The following PCDH15 variants were observed in gnomAD, a reference collection of about 807,000 sequenced individuals.
PCDH15 encodes protocadherin-15.
In PCDH15, 129 loss-of-function variants were observed where a neutral mutation model predicts 178.5. The ratio of observed to expected loss-of-function variants is 0.72; its 90% CI spans 0.63 to 0.84. The LOEUF (loss-of-function observed/expected upper bound fraction) is 0.84. Among genes scored for constraint, PCDH15 ranks in the 40% least tolerant of loss-of-function variants. The pLI, the probability that PCDH15 is intolerant of heterozygous loss-of-function variation, is 0.00. For missense variants in PCDH15, 2,230 were observed against 2,099.9 expected, an observed-to-expected ratio of 1.06 and a Z score of -1.21; for synonymous variants, 800 against 732.0, an observed-to-expected ratio of 1.09 and a Z score of -1.50.
intron 1 of PCDH15, among the ~76,000 whole-genome samples, chr10:54,747,507 T>C (rs556347379): frequency 6.6e-6 from 1 of 152,314 alleles, no homozygotes; most frequent in Admixed American, 6.5e-5. Flanking sequence ...GAGGAAAATG[T>C]TCCACATAAT....
intron 5 of PCDH15, among the ~76,000 whole-genome samples, chr10:54,364,254 A>G (rs1050789443): frequency 6.6e-6 from 1 of 151,532 alleles, no homozygotes; most frequent in African/African-American, 2.4e-5. Context: ...AACTTGCTGA[A>G]CTCACTTTTT....
chr10:54,191,950 A>T (rs909488672), intron 11 of PCDH15, among the ~76,000 whole-genome samples: 1 of 147,598 alleles, frequency 6.8e-6, no homozygotes, highest in Non-Finnish European at 1.5e-5. Flanking sequence ...AAGAAAAAAA[A>T]GAAAAGAAAG....
intron 2 of PCDH15, among the ~76,000 whole-genome samples, chr10:55,390,872 C>T (rs995398281): frequency 6.6e-6 from 1 of 152,174 alleles, no homozygotes; most frequent in Admixed American, 6.5e-5. Flanking sequence ...ATTGTGAAAA[C>T]AGATGTACAA....
chr10:54,361,476 C>T (rs1946040416), intron 5 of PCDH15, among the ~76,000 whole-genome samples: 1 of 152,056 alleles, frequency 6.6e-6, no homozygotes, highest in African/African-American at 2.4e-5. Flanking sequence ...TGCATGCACC[C>T]AGCACCATAG....
At chr10:54,018,696 G>A (rs1452873938) in intron 20 of PCDH15, among the ~76,000 whole-genome samples, 2 of 152,028 alleles carry the variant, frequency 1.3e-5, no homozygotes, top group African/African-American at 2.4e-5. Flanking sequence ...CCATGTAGTA[G>A]ACAATATGTG....
chr10:54,674,436 G>A (rs118078758), intron 1 of PCDH15, among the ~76,000 whole-genome samples: 478 of 152,094 alleles, frequency 3.1e-3, no homozygotes, highest in Non-Finnish European at 3.7e-3. Flanking sequence ...AGTCTAGAAC[G>A]TTTGCAGAAA....
chr10:54,234,827 A>T (rs2054461158), intron 9 of PCDH15, among the ~76,000 whole-genome samples: 1 of 152,190 alleles, frequency 6.6e-6, no homozygotes, highest in Non-Finnish European at 1.5e-5. Flanking sequence ...AGGCTGATGA[A>T]ACTTTCCATC....
intron 21 of PCDH15, among the ~76,000 whole-genome samples, chr10:53,962,287 A>G (rs1053144302): frequency 1.3e-5 from 2 of 152,024 alleles, no homozygotes; most frequent in Non-Finnish European, 2.9e-5. Flanking sequence ...ATAGTTCCCC[A>G]TAACCTCAAA....
chr10:54,054,053 A>G (rs1412957325), intron 18 of PCDH15, among the ~76,000 whole-genome samples: 1 of 152,114 alleles, frequency 6.6e-6, no homozygotes, highest in Non-Finnish European at 1.5e-5. Flanking sequence ...GGAATAGTTA[A>G]TTGAGGTACA....
chr10:53,892,694 T>C (rs186719418), intron 26 of PCDH15, among the ~76,000 whole-genome samples: 1 of 152,280 alleles, frequency 6.6e-6, no homozygotes, highest in East Asian at 1.9e-4. Flanking sequence ...ACTGGTAATG[T>C]TTTTTATGGT....
intron 2 of PCDH15, among the ~76,000 whole-genome samples, chr10:55,088,977 G>A (rs559449418): frequency 1.3e-5 from 2 of 151,990 alleles, no homozygotes; most frequent in Admixed American, 6.6e-5. Flanking sequence ...CTGTTTGGGA[G>A]AAATATATAT....
chr10:53,907,732 A>AAAT (rs773076502), intron 25 of PCDH15, among the ~76,000 whole-genome samples: 4 of 152,156 alleles, frequency 2.6e-5, no homozygotes, highest in Non-Finnish European at 5.9e-5. Flanking sequence ...AAGAAAGAGA[A>AAAT]AATAATACTT....
intron 2 of PCDH15, among the ~76,000 whole-genome samples, chr10:55,394,322 T>C (rs1377312353): frequency 6.6e-6 from 1 of 152,046 alleles, no homozygotes; most frequent in African/African-American, 2.4e-5. Flanking sequence ...TGATGCTCTT[T>C]TTTATTTTAT....
intron 2 of PCDH15, among the ~76,000 whole-genome samples, chr10:55,381,830 C>T (rs1022732371): frequency 6.6e-6 from 1 of 152,114 alleles, no homozygotes; most frequent in Non-Finnish European, 1.5e-5. Context: ...CCACTCACCA[C>T]CAGCTGTTTT....
intron 3 of PCDH15, among the ~76,000 whole-genome samples, chr10:54,522,689 C>T (rs1169115213): frequency 1.3e-5 from 2 of 152,152 alleles, no homozygotes; most frequent in Non-Finnish European, 2.9e-5. Flanking sequence ...AGAACAGATT[C>T]TCACACAATA....
intron 8 of PCDH15, among the ~76,000 whole-genome samples, chr10:54,256,354 C>T (rs2056897590): frequency 6.6e-6 from 1 of 152,124 alleles, no homozygotes; most frequent in African/African-American, 2.4e-5. Context: ...AGATGGTCAG[C>T]TTTACTTAGA....
intron 2 of PCDH15, among the ~76,000 whole-genome samples, chr10:55,542,652 T>C (rs1319154936): frequency 7.6e-6 from 1 of 131,652 alleles, no homozygotes; most frequent in Non-Finnish European, 1.7e-5. Flanking sequence ...TGTATGTGTC[T>C]ATATAGGTAC....
rs868280923 is a variant in PCDH15 at position 54,824,504 on chromosome 10, A to G, written c.-29+72946T>C. Among the ~76,000 whole-genome samples the G allele has an allele frequency of 3.3e-5, 5 of 152,286 alleles. No individual in the cohort carries two copies. In the South Asian group the frequency reaches 1.0e-3, roughly 32 times the overall value. ...CATGAGTAGGCAGGAGGCGCTCTCC[A>G]GCCTTTGCTGTCATTTCTGTTCTAA... On this transcript the variant is annotated intron_variant, in intron 3 of 5. Transcript: ENST00000458638.
intron 10 of PCDH15, among the ~76,000 whole-genome samples, chr10:54,211,057 T>C (rs139099857): frequency 2.0e-4 from 30 of 152,254 alleles, no homozygotes; most frequent in Middle Eastern, 3.4e-3. Context: ...TATCAACTAA[T>C]AATACTTGAA....
Sources: allele counts gnomAD v4.1 joint callset (sites outside exome capture counted in the v4.1 genomes callset), GRCh38; gene constraint gnomAD v4.1.1; transcripts MANE v1.5; gene names NCBI Gene and HGNC (gene_info 2026-07-23, HGNC 2026-07-21).